NBAS: variants seen among roughly 807,000 people sequenced by gnomAD.
NBAS encodes NBAS subunit of NRZ tethering complex, also known as NAG/BC035112 fusion.
In NBAS, 219 loss-of-function variants were observed where a neutral mutation model predicts 302.5. The ratio of observed to expected loss-of-function variants is 0.72; its 90% CI spans 0.65 to 0.81. The LOEUF (loss-of-function observed/expected upper bound fraction) is 0.81, where lower values mean the gene tolerates loss of function less well. NBAS is among the 30% of genes least tolerant of loss of function. The probability of loss-of-function intolerance (pLI) is 0.00; values close to 1 mark genes in which losing one functional copy is unlikely to be tolerated. For synonymous variants in NBAS, 1,118 were observed against 1,021.6 expected, an observed-to-expected ratio of 1.09 and a Z score of -1.80; for missense variants, 2,932 against 2,841.6, an observed-to-expected ratio of 1.03 and a Z score of -0.72.
chr2:15,199,205 T>A (rs976785130), intron 48 of NBAS, among the ~76,000 whole-genome samples: 1 of 151,064 alleles, frequency 6.6e-6, no homozygotes, highest in Non-Finnish European at 1.5e-5. Flanking sequence ...TAACAAATTA[T>A]CTGAAAAAAA....
At chr2:15,388,956 G>A (rs1675449258) in intron 28 of NBAS, among the ~76,000 whole-genome samples, 2 of 151,982 alleles carry the variant, frequency 1.3e-5, no homozygotes, top group Non-Finnish European at 2.9e-5. Flanking sequence ...GTGTTTTAGT[G>A]TTTTGAAGGG....
chr2:15,468,786 G>C lies in NBAS; in HGVS notation c.1726-253C>G, dbSNP rs143454173. Among the ~76,000 whole-genome samples, 773 of 152,242 alleles carry C rather than the reference G, an allele frequency of 5.1e-3. 8 individuals carry two copies. Among genetic ancestry groups the C allele is most frequent in the African/African-American group, 0.018 (742 of 41,532 alleles). On this transcript the variant is annotated intron_variant, in intron 16 of 51. Coordinates refer to ENST00000281513, the MANE Select transcript of NBAS (RefSeq NM_015909.4). ...GAGCTACGCAGAAACAGAAAGCTCAGGACTCATTTTTGGAAATATAAAATG... is the reference window on the plus strand; with the variant it reads ...GAGCTACGCAGAAACAGAAAGCTCACGACTCATTTTTGGAAATATAAAATG...
intron 6 of NBAS, among the ~76,000 whole-genome samples, chr2:15,549,436 C>T (rs1664270340): frequency 6.6e-6 from 1 of 152,136 alleles, no homozygotes; most frequent in South Asian, 2.1e-4. Context: ...AATAAAAGAG[C>T]TATTTAAACA....
At chr2:15,549,105 CGA>C (rs993929714) in intron 6 of NBAS, among the ~76,000 whole-genome samples, 1 of 152,040 alleles carries the variant, frequency 6.6e-6, no homozygotes, top group African/African-American at 2.4e-5. Flanking sequence ...GACACTATGC[CGA>C]GAGTTTTACA....
At chr2:15,202,096 C>T (rs900029799) in intron 48 of NBAS, among the ~76,000 whole-genome samples, 1 of 152,176 alleles carries the variant, frequency 6.6e-6, no homozygotes, top group African/African-American at 2.4e-5. Context: ...CAGAAAGTCT[C>T]TCCTAGGGCA....
At chr2:15,420,467 A>G (rs1372309563) in intron 23 of NBAS, among the ~76,000 whole-genome samples, 1 of 152,214 alleles carries the variant, frequency 6.6e-6, no homozygotes, top group African/African-American at 2.4e-5. Flanking sequence ...CAAAGAAAGA[A>G]GCCAAGGAGA....
intron 31 of NBAS, among the ~76,000 whole-genome samples, chr2:15,370,398 T>A (rs1409649014): frequency 6.6e-6 from 1 of 152,238 alleles, no homozygotes; most frequent in East Asian, 1.9e-4. Flanking sequence ...GGACAAGTGA[T>A]CCTCCTGCCT....
At chr2:15,443,607 C>G (rs1277355217) in intron 21 of NBAS, among the ~76,000 whole-genome samples, 2 of 151,054 alleles carry the variant, frequency 1.3e-5, no homozygotes, top group African/African-American at 4.9e-5. Context: ...CAGGGATGCC[C>G]TCTCTCACCA....
the NBAS span, among the ~76,000 whole-genome samples, chr2:15,146,608 T>C: frequency 6.6e-6 from 1 of 152,098 alleles, no homozygotes; most frequent in Admixed American, 6.5e-5. Flanking sequence ...GAGAATGACC[T>C]GCCCGAAGAA....
At chr2:15,478,551 A>C (rs923324798) in intron 12 of NBAS, among the ~76,000 whole-genome samples, 2 of 152,234 alleles carry the variant, frequency 1.3e-5, no homozygotes, top group Non-Finnish European at 2.9e-5. Flanking sequence ...GTATACAATC[A>C]ATACATATGA....
chr2:14,808,924 C>G, the NBAS span, among the ~76,000 whole-genome samples: 1 of 152,122 alleles, frequency 6.6e-6, no homozygotes, highest in East Asian at 1.9e-4. Context: ...GGACCTGGAG[C>G]AAAGATGACT....
At chr2:14,878,838 G>A in the NBAS span, among the ~76,000 whole-genome samples, 2 of 152,094 alleles carry the variant, frequency 1.3e-5, no homozygotes, top group Non-Finnish European at 2.9e-5. Context: ...TTACATTAGG[G>A]TTTGCTGTTT....
chr2:15,518,185 T>C (rs562321103), intron 9 of NBAS, among the ~76,000 whole-genome samples: 2 of 150,704 alleles, frequency 1.3e-5, no homozygotes, highest in Non-Finnish European at 3.0e-5. Flanking sequence ...AACCCACAAG[T>C]GTAGTGAAAT....
intron 35 of NBAS, among the ~76,000 whole-genome samples, chr2:15,347,813 T>C (rs960261212): frequency 6.6e-6 from 1 of 152,198 alleles, no homozygotes; most frequent in Non-Finnish European, 1.5e-5. Context: ...ATCTGTAATT[T>C]TGGTAGTTAT....
chr2:15,190,162 A>T (rs1319170041), intron 49 of NBAS, 102 bp downstream of exon 49: 1 of 1,342,516 alleles, frequency 7.4e-7, no homozygotes, highest in Non-Finnish European at 1.1e-6. Flanking sequence ...ACGCACACAC[A>T]TATAATTATT....
At chr2:14,882,944 A>G in the NBAS span, among the ~76,000 whole-genome samples, 1 of 152,236 alleles carries the variant, frequency 6.6e-6, no homozygotes, top group African/African-American at 2.4e-5. Flanking sequence ...CTGTTCTGTT[A>G]TTGTTTACAT....
chr2:14,889,853 A>T, the NBAS span, among the ~76,000 whole-genome samples: 1 of 152,338 alleles, frequency 6.6e-6, no homozygotes, highest in African/African-American at 2.4e-5. Flanking sequence ...AAAGTAGATG[A>T]TCAATGAATT....
chr2:15,014,530 A>G, the NBAS span, among the ~76,000 whole-genome samples: 1 of 152,252 alleles, frequency 6.6e-6, no homozygotes, highest in South Asian at 2.1e-4. Flanking sequence ...TGACTGACCA[A>G]TGGGTAAAGG....
the NBAS span, among the ~76,000 whole-genome samples, chr2:15,158,012 A>C: frequency 6.6e-6 from 1 of 152,156 alleles, no homozygotes; most frequent in African/African-American, 2.4e-5. Context: ...CTAGGGGAGA[A>C]TGGGGACAGT....
Sources: gnomAD v4.1 joint callset for allele counts (sites outside exome capture counted in the v4.1 genomes callset) on GRCh38, gnomAD v4.1.1 for gene constraint, MANE v1.5 for transcripts, NCBI Gene and HGNC (gene_info 2026-07-23, HGNC 2026-07-21) for gene names.